Variants in PLXNB2 observed in about 807,000 individuals in gnomAD.
The protein encoded by PLXNB2 is plexin B2.
Under a neutral mutation model 202.6 loss-of-function variants are expected in PLXNB2, and 85 were observed. That is an observed-to-expected ratio of 0.42 (90% CI 0.35 to 0.50). The LOEUF (loss-of-function observed/expected upper bound fraction) is 0.50. Among genes scored for constraint, PLXNB2 ranks in the 20% least tolerant of loss-of-function variants. The pLI is 0.02. For missense variants in PLXNB2, 2,063 were observed against 2,586.2 expected, an observed-to-expected ratio of 0.80 and a Z score of 4.39; for synonymous variants, 1,239 against 1,137.6, an observed-to-expected ratio of 1.09 and a Z score of -1.79.
At chr22:50,278,799 G>T in intron 28 of PLXNB2, 56 bp downstream of exon 28, 1 of 1,597,708 alleles carries the variant, frequency 6.3e-7, no homozygotes. Context: ...ACCGCCCCAG[G>T]ACACAGGCCA....
chr22:50,306,617 G>A (rs1226702924), intron 1 of PLXNB2, among the ~76,000 whole-genome samples: 1 of 152,182 alleles, frequency 6.6e-6, no homozygotes, highest in Admixed American at 6.5e-5. Context: ...GGAGGGCGGG[G>A]GGGTCCAGGG....
At chr22:50,301,526 G>T in intron 1 of PLXNB2, 1 of 412,014 alleles carries the variant, frequency 2.4e-6, no homozygotes, top group Non-Finnish European at 3.3e-6. Flanking sequence ...GTCACTTGGA[G>T]TCTCTCCTGA....
Position 50,289,484 on chromosome 22 carries a change from C to A in PLXNB2, c.1068+33G>T. On this transcript the variant is annotated intron_variant, in intron 3 of 36. Transcript: ENST00000359337. The surrounding 1 kb of genome is among the most constrained non-coding windows in gnomAD (Gnocchi z 8.0). ...AAACCCACGAACGGACGCCTGCAGT[C>A]CGGGCCCTGCGAGAACACACTGAGG... is the stretch of plus-strand genomic sequence containing the variant. 1 of 1,560,258 alleles carries A rather than the reference C, an allele frequency of 6.4e-7. No individual in the cohort carries two copies. The highest frequency in any genetic ancestry group is 1.2e-5 in the South Asian group (1 of 86,234).
At chr22:50,295,945 T>A (rs1472226965) in intron 1 of PLXNB2, among the ~76,000 whole-genome samples, 1 of 151,770 alleles carries the variant, frequency 6.6e-6, no homozygotes. Context: ...CTACTAAAAG[T>A]ACAAAAATTA....
chr22:50,300,064 C>T (rs1601774474), intron 1 of PLXNB2, among the ~76,000 whole-genome samples: 1 of 152,086 alleles, frequency 6.6e-6, no homozygotes, highest in South Asian at 2.1e-4. Context: ...CCAAGCTCCA[C>T]GGCCACCGCC....
chr22:50,278,359 G>A (rs1412440510), intron 30 of PLXNB2, 76 bp downstream of exon 30: 12 of 1,567,370 alleles, frequency 7.7e-6, no homozygotes, highest in Non-Finnish European at 7.9e-6. Context: ...GGGCAGGGGT[G>A]CATGTGTCCA....
At position 50,289,752 on chromosome 22, in the gene PLXNB2, G is replaced by C; in HGVS notation, c.833C>G (p.Thr278Ser). ...DPDIHAAAFGTCLAASVAAPG... is the reference protein window; with the variant it reads ...DPDIHAAAFGSCLAASVAAPG... ...CGCAGCCACGGAGGCGGCCAGGCAG[G>C]TGCCAAAGGCAGCGGCGTGGATGTC... The change falls in exon 3 of 37, where the codon ACC becomes AGC. Residue 278 changes from threonine (T) to serine (S), a missense_variant. Physicochemically the swap from Thr to Ser is moderately conservative, Grantham distance 58. Transcript: ENST00000359337. This position sits in a 1 kb window ranked among gnomAD's most constrained non-coding sequence, Gnocchi z 8.0. 6.2e-7 allele frequency: 1 copy of C among 1,612,786 alleles called. No homozygotes were observed. Among genetic ancestry groups the C allele is most frequent in the Non-Finnish European group, 8.5e-7 (1 of 1,179,998 alleles).
In PLXNB2 at chr22:50,288,182, G is replaced by T; in HGVS notation, c.1381-145C>A. 1 of 635,828 alleles carries T rather than the reference G, an allele frequency of 1.6e-6. No homozygotes were observed. The highest frequency in any genetic ancestry group is 2.0e-5 in the South Asian group (1 of 50,468). The allele number at this position is 635,828 out of a possible 1,614,324, so 39.4% of individuals were successfully genotyped here. A position where few individuals can be genotyped will look rare whatever the true frequency, so the allele number is the denominator to read the frequency against. On this transcript the variant is annotated intron_variant, in intron 5 of 36. Transcript: ENST00000359337. The surrounding 1 kb of genome is among the most constrained non-coding windows in gnomAD (Gnocchi z 5.0). Reference sequence around the variant, plus strand: ...GACACCTCAGGCTTGATATTAAACAGTTCTGGCTCTGGGTGGCCATGCCTG... The same window carrying T: ...GACACCTCAGGCTTGATATTAAACATTTCTGGCTCTGGGTGGCCATGCCTG...
At position 50,278,180 on chromosome 22, in the gene PLXNB2, C is replaced by T; in HGVS notation, c.4824G>A (p.Val1608=). Residue 1608 remains valine (V), a synonymous_variant, in exon 31 of 37, where the codon GTG becomes GTA. Transcript: ENST00000359337. ...VDEGKSKRGS[V]KEKERTKAIT... ...TGGCCTTCGTCCGCTCCTTCTCTTT[C>T]ACGCTGCCTCTCTTGGACTTGCCCT... 1 of 1,606,686 alleles carries T rather than the reference C, an allele frequency of 6.2e-7. No individual in the cohort carries two copies. Among genetic ancestry groups the T allele is most frequent in the South Asian group, 1.1e-5 (1 of 91,080 alleles).
intron 1 of PLXNB2, among the ~76,000 whole-genome samples, chr22:50,296,863 T>G (rs148869426): frequency 6.6e-6 from 1 of 152,108 alleles, no homozygotes; most frequent in East Asian, 1.9e-4. Context: ...GGGTTGGACA[T>G]GCAGTGACAC....
rs1222352797 is a variant in PLXNB2, at chr22:50,276,607, G to A, written c.5337+22C>T. On this transcript the variant is annotated intron_variant, in intron 35 of 36. Transcript: ENST00000359337. Reference sequence around the variant, plus strand: ...AGTGGGAGCGGGGAGGGCTGTGGGTGCGTCCCTGGTGGTCTCCTTACCCGG... The same window carrying A: ...AGTGGGAGCGGGGAGGGCTGTGGGTACGTCCCTGGTGGTCTCCTTACCCGG... 2.5e-6 allele frequency: 4 copies of A among 1,594,898 alleles called. No homozygotes were observed. The South Asian group carries it at 3.3e-5, about 13-fold the overall frequency.
In PLXNB2 at chr22:50,293,021, G is replaced by T. The variant is rs988447698; in HGVS notation, c.-14+1698C>A. 2.0e-5 allele frequency among the ~76,000 whole-genome samples: 3 copies of T among 152,336 alleles called. 1 individual carries two copies. The highest frequency in any genetic ancestry group is 1.3e-4 in the Admixed American group (2 of 15,306). ...CGCTGGGAGAGGTGACCACCCACAG[G>T]CTAGGGAGTTCCTGGCCGACTGGTG... is the stretch of plus-strand genomic sequence containing the variant. On this transcript the variant is annotated intron_variant, in intron 2 of 36. Coordinates refer to ENST00000359337, the MANE Select transcript of PLXNB2 (RefSeq NM_012401.4).
intron 1 of PLXNB2, chr22:50,300,359 C>G (rs2067605790): frequency 1.0e-6 from 1 of 982,126 alleles, no homozygotes; most frequent in Non-Finnish European, 1.2e-6. Context: ...AGCAGCTCCG[C>G]CCCGCCGATG....
At position 50,279,698 on chromosome 22, in the gene PLXNB2, G is replaced by T; in HGVS notation, c.4321C>A (p.Gln1441Lys). Reference protein sequence around the residue: ...QVEKGPVDAVQKKAKYTLNDT... With the variant: ...QVEKGPVDAVKKKAKYTLNDT... ...TTGAGAGTGTACTTGGCCTTCTTCT[G>T]TACCGCATCCACCGGGCCCTTTTCC... Residue 1441 changes from glutamine to lysine, a missense_variant, in exon 27 of 37, where the codon CAG becomes AAG. By Grantham distance (53) the Gln-to-Lys change is moderately conservative (BLOSUM62 1). Transcript: ENST00000359337. 1 of 1,613,920 alleles carries T rather than the reference G, an allele frequency of 6.2e-7. No individual in the cohort carries two copies. The highest frequency in any genetic ancestry group is 8.5e-7 in the Non-Finnish European group (1 of 1,179,934).
intron 2 of PLXNB2, among the ~76,000 whole-genome samples, chr22:50,292,515 T>G (rs1377965356): frequency 6.6e-6 from 1 of 152,098 alleles, no homozygotes; most frequent in African/African-American, 2.4e-5. Context: ...ACCGCGGGCA[T>G]GGGTGGGGCT....
intron 31 of PLXNB2, 45 bp from the exon 32 acceptor site, chr22:50,278,058 T>A: frequency 7.1e-7 from 1 of 1,410,016 alleles, no homozygotes; most frequent in Non-Finnish European, 9.7e-7. Flanking sequence ...GCGCGGCTCC[T>A]GGGGGGGAGG....
chr22:50,290,778 G>A (rs985789690), intron 2 of PLXNB2, among the ~76,000 whole-genome samples, 181 bp from the exon 3 acceptor site: 2 of 152,166 alleles, frequency 1.3e-5, no homozygotes, highest in Admixed American at 6.5e-5. Context: ...AGGTCTCGCC[G>A]GAGACCACTT....
intron 33 of PLXNB2, among the ~76,000 whole-genome samples, chr22:50,277,179 T>C (rs927259825): frequency 1.3e-5 from 2 of 151,972 alleles, no homozygotes; most frequent in African/African-American, 4.8e-5. Flanking sequence ...CACATGCCTG[T>C]AGTCCCAGCT....
At chr22:50,286,681 C>T (rs1489913462) in intron 8 of PLXNB2, among the ~76,000 whole-genome samples, 2 of 152,222 alleles carry the variant, frequency 1.3e-5, no homozygotes, top group African/African-American at 4.8e-5. Context: ...GGCCCCACTG[C>T]CCCCAAAACT....
Sources: gnomAD v4.1 joint callset for allele counts (sites outside exome capture counted in the v4.1 genomes callset) on GRCh38, gnomAD v4.1.1 for gene constraint, Gnocchi (gnomAD v3.1) non-coding constraint, MANE v1.5 for transcripts, NCBI Gene and HGNC (gene_info 2026-07-23, HGNC 2026-07-21) for gene names.